Variants in HID1 observed in about 807,000 individuals in gnomAD.
The protein encoded by HID1 is HID1 domain containing, also known as protein HID1.
Under a neutral mutation model 89.7 loss-of-function variants are expected in HID1, and 42 were observed. That is an observed-to-expected ratio of 0.47 (90% confidence interval 0.37 to 0.61). HID1 has a LOEUF of 0.61. Ranked by LOEUF, HID1 falls within the 20% of genes least tolerant of loss-of-function variation. HID1 has a pLI of 0.00. For missense variants in HID1, 854 were observed against 1,039.3 expected (o/e 0.82, Z 2.45); for synonymous variants, 442 against 433.8 (o/e 1.02, Z -0.24).
Position 74,958,568 on chromosome 17 carries a change from A to C in HID1, c.1241-90T>G. Reference sequence around the variant, plus strand: ...CCATTTTGGAGGCCTCCCTCCTAGGAGGTCAGAGTGCCAGGCCTGAGCTCC... The same window carrying C: ...CCATTTTGGAGGCCTCCCTCCTAGGCGGTCAGAGTGCCAGGCCTGAGCTCC... On this transcript the variant is annotated intron_variant, in intron 10 of 18. Transcript: ENST00000425042. The surrounding 1 kb of genome is among the most constrained non-coding windows in gnomAD (Gnocchi z 5.2). 6.3e-7 allele frequency: 1 copy of C among 1,585,468 alleles called. No individual in the cohort carries two copies. Among genetic ancestry groups the C allele is most frequent in the South Asian group, 1.1e-5 (1 of 88,962 alleles).
rs1157759033 is a variant in HID1 at position 74,953,116 on chromosome 17, G to A, written c.1972-30C>T. ...CCCCCAGAAAGGAACAGGGGTGAGG[G>A]ATGGTGGCGGTGGGTGAGGGGTGGA... is the stretch of plus-strand genomic sequence containing the variant. On this transcript the variant is annotated intron_variant, in intron 15 of 18. Transcript: ENST00000425042. 7 of 1,536,760 alleles carry A rather than the reference G, an allele frequency of 4.6e-6. 1 individual carries two copies. The South Asian group carries it at 5.8e-5, about 13-fold the overall frequency.
rs373856219 is a variant in HID1, at chr17:74,952,295, C to G, written c.2118G>C (p.Pro706=). The change falls in exon 17 of 19, where the codon CCG becomes CCC. Residue 706 remains proline, a synonymous_variant. Coordinates refer to ENST00000425042, the MANE Select transcript of HID1 (RefSeq NM_030630.3). Reference sequence around the variant, plus strand: ...TGTCAATGCAGATCTTCTCCACCTGCGGAACCAGCACCTGCAGCAGCCTCA... The same window carrying G: ...TGTCAATGCAGATCTTCTCCACCTGGGGAACCAGCACCTGCAGCAGCCTCA... The part of the protein sequence containing the change: ...TIMRLLQVLV[P]QVEKICIDKG... 1 of 1,613,676 alleles carries G rather than the reference C, an allele frequency of 6.2e-7. No individual in the cohort carries two copies.
rs751678393 is a variant in HID1, at chr17:74,953,642, T to C, written c.1874A>G (p.Lys625Arg). Residue 625 changes from lysine (K) to arginine (R), a missense_variant, in exon 15 of 19, where the codon AAG becomes AGG. Transcript: ENST00000425042. ...TGACACCTGGGACTTCTCGGTCAGC[T>C]TGTCAATGCCTGGGCAGGGCACAGG... The part of the protein sequence containing the change: ...TSLVATPGID[K>R]LTEKSQVSED... 3.1e-6 allele frequency: 5 copies of C among 1,613,904 alleles called. No individual in the cohort carries two copies. In the Admixed American group the frequency reaches 5.0e-5, roughly 16 times the overall value.
chr17:74,958,512 TG>T lies in HID1; in HGVS notation c.1241-35del. 2 of 1,572,896 alleles carry T rather than the reference TG, an allele frequency of 1.3e-6. No homozygotes were observed. Among genetic ancestry groups the T allele is most frequent in the East Asian group, 4.7e-5 (2 of 42,474 alleles). ...GGTGGCGTGGGAGGGGTCACTCGGG[TG>T]GGAGGGGGAAGGAGGGGCCCAGGCA... On this transcript the variant is annotated intron_variant, in intron 10 of 18. Transcript: ENST00000425042. The surrounding 1 kb of genome is among the most constrained non-coding windows in gnomAD (Gnocchi z 5.2).
intron 14 of HID1, 40 bp from the exon 15 acceptor site, chr17:74,953,691 A>C: frequency 6.6e-7 from 1 of 1,508,214 alleles, no homozygotes; most frequent in Non-Finnish European, 9.2e-7. Flanking sequence ...TCCCTGCCAC[A>C]GTGACCCTTC....
chr17:74,963,909 GC>G lies in HID1; in HGVS notation c.217del (p.Ala73ProfsTer23). ...PSNLATLCYK[A>X]VEKLVQGAES... is the part of the protein sequence containing the mutation. ...AGCTCCCTGCACCAGCTTCTCAACGGCCTGTGGGGGCAGGCAGGAGCAGAGG... is the reference window on the plus strand; with the variant it reads ...AGCTCCCTGCACCAGCTTCTCAACGGCTGTGGGGGCAGGCAGGAGCAGAGG... On this transcript the variant is annotated frameshift_variant and splice_region_variant, in exon 3 of 19. Transcript: ENST00000425042. LOFTEE classifies it high-confidence loss of function. 6.2e-7 allele frequency: 1 copy of G among 1,613,808 alleles called. No homozygotes were observed.
Position 74,951,467 on chromosome 17 carries a change from G to T in HID1, c.*103C>A. 8.7e-7 allele frequency: 1 copy of T among 1,155,854 alleles called. No homozygotes were observed. The highest frequency in any genetic ancestry group is 1.3e-6 in the Non-Finnish European group (1 of 788,866). 71.6% of individuals were successfully genotyped at this position (1,155,854 alleles called of 1,614,324 possible). On this transcript the variant is annotated 3_prime_UTR_variant, in exon 19 of 19. Coordinates refer to ENST00000425042, the MANE Select transcript of HID1 (RefSeq NM_030630.3). ...ACTCAGGGCCACTCTGCCTGTTCCAGGCCCTGATCGTGGTAATTTAAAGCT... is the reference window on the plus strand; with the variant it reads ...ACTCAGGGCCACTCTGCCTGTTCCATGCCCTGATCGTGGTAATTTAAAGCT...
In HID1 at chr17:74,958,962, C is replaced by T. The variant is rs370911867; in HGVS notation, c.1098G>A (p.Gln366=). 3 of 1,606,330 alleles carry T rather than the reference C, an allele frequency of 1.9e-6. No individual in the cohort carries two copies. The highest frequency in any genetic ancestry group is 2.7e-5 in the African/African-American group (2 of 74,258). The change falls in exon 9 of 19, where the codon CAG becomes CAA. Residue 366 remains glutamine (Q), a synonymous_variant. Coordinates refer to ENST00000425042, the MANE Select transcript of HID1 (RefSeq NM_030630.3). The surrounding 1 kb of genome is among the most constrained non-coding windows in gnomAD (Gnocchi z 5.2). ...TYLPNSTKKI[Q]FHQELLVLFW... ...AGAGAACTAGCAGCTCCTGGTGGAA[C>T]TGGATCTTCTTGGTGGAGTTAGGCA...
chr17:74,968,899 C>T (rs1288173223), intron 1 of HID1, among the ~76,000 whole-genome samples: 1 of 152,244 alleles, frequency 6.6e-6, no homozygotes, highest in Non-Finnish European at 1.5e-5. Flanking sequence ...AAGAGACTTA[C>T]TAGCCCATTC....
chr17:74,959,783 G>C lies in HID1; in HGVS notation c.1008+98C>G, dbSNP rs1033449793. 10 of 1,311,692 alleles carry C rather than the reference G, an allele frequency of 7.6e-6. No individual in the cohort carries two copies. The highest frequency in any genetic ancestry group is 1.8e-4 in the Middle Eastern group (1 of 5,408). The allele number at this position is 1,311,692 out of a possible 1,614,324, so 81.3% of individuals were successfully genotyped here. On this transcript the variant is annotated intron_variant, in intron 8 of 18. Transcript: ENST00000425042. The surrounding 1 kb of genome is among the most constrained non-coding windows in gnomAD (Gnocchi z 4.6). ...ACCTAGGGTGGCCCCAGCCCACAGA[G>C]AGCATGGTTCCTTCATGGAGGGGTC...
chr17:74,959,212 CG>C lies in HID1; in HGVS notation c.1009-162del, dbSNP rs1320915286. Among the ~76,000 whole-genome samples, 8 of 151,574 alleles carry C rather than the reference CG, an allele frequency of 5.3e-5. No individual in the cohort carries two copies. Among genetic ancestry groups the C allele is most frequent in the African/African-American group, 1.9e-4 (8 of 41,210 alleles). On this transcript the variant is annotated intron_variant, in intron 8 of 18. Transcript: ENST00000425042. The surrounding 1 kb of genome is among the most constrained non-coding windows in gnomAD (Gnocchi z 4.6). ...GCTATCACCCATAGCTGTCCTGGGG[CG>C]ATGCCTCAGGAAGCGGAGTCCCTCA...
chr17:74,952,315 G>T lies in HID1; in HGVS notation c.2098C>A (p.Leu700Met). Reference protein sequence around the residue: ...SKLPLQTIMRLLQVLVPQVEK... With the variant: ...SKLPLQTIMRMLQVLVPQVEK... ...ACCTGCGGAACCAGCACCTGCAGCA[G>T]CCTCATGATGGTCTGCAGCGGCAGC... Residue 700 changes from leucine (L) to methionine (M), a missense_variant, in exon 17 of 19, where the codon CTG becomes ATG. Transcript: ENST00000425042. The T allele has an allele frequency of 6.2e-7, 1 of 1,613,980 alleles. No homozygotes were observed. The highest frequency in any genetic ancestry group is 8.5e-7 in the Non-Finnish European group (1 of 1,179,944).
Position 74,958,284 on chromosome 17 carries a change from C to A in HID1, c.1392+43G>T, listed in dbSNP as rs1186323109. 6.2e-7 allele frequency: 1 copy of A among 1,610,562 alleles called. No individual in the cohort carries two copies. On this transcript the variant is annotated intron_variant, in intron 11 of 18. Transcript: ENST00000425042. The surrounding 1 kb of genome is among the most constrained non-coding windows in gnomAD (Gnocchi z 5.2). ...GCCTCCAGACTCAGCCAAGAGGACACCACCCCTGCACCTCCTGGGCCCGGC... is the reference window on the plus strand; with the variant it reads ...GCCTCCAGACTCAGCCAAGAGGACAACACCCCTGCACCTCCTGGGCCCGGC...
chr17:74,953,921 G>A (rs2039346527), intron 14 of HID1, among the ~76,000 whole-genome samples: 1 of 150,460 alleles, frequency 6.6e-6, no homozygotes, highest in Non-Finnish European at 1.5e-5. Flanking sequence ...CATCCCTCCA[G>A]AGTCTACACT....
At chr17:74,961,355 C>A (rs1199574399) in intron 6 of HID1, among the ~76,000 whole-genome samples, 1 of 151,990 alleles carries the variant, frequency 6.6e-6, no homozygotes, top group African/African-American at 2.4e-5. Context: ...GCAACCTCCG[C>A]CTCCCGGGTT....
intron 14 of HID1, among the ~76,000 whole-genome samples, 169 bp from the exon 15 acceptor site, chr17:74,953,820 C>A (rs2039344415): frequency 6.6e-6 from 1 of 152,288 alleles, no homozygotes; most frequent in East Asian, 1.9e-4. Context: ...TGCGCCCATC[C>A]CTCCAGAGTC....
At chr17:74,963,670 C>T (rs960277024) in intron 3 of HID1, 70 bp downstream of exon 3, 4 of 1,428,636 alleles carry the variant, frequency 2.8e-6, no homozygotes, top group South Asian at 1.3e-5. Flanking sequence ...GGAGCATGGC[C>T]GGCCCTAAAG....
At position 74,969,829 on chromosome 17, in the gene HID1, G is replaced by C. The variant is rs146974564; in HGVS notation, c.66+2762C>G. Among the ~76,000 whole-genome samples, 363 of 151,026 alleles carry C rather than the reference G, an allele frequency of 2.4e-3. 2 individuals carry two copies. In the South Asian group the frequency reaches 0.029, roughly 12 times the overall value. ...TTGCCCAGGCTGGTCTCAAACTCCT[G>C]GGCTCAAGCGATCCTCCTGCCTCCA... On this transcript the variant is annotated intron_variant, in intron 1 of 18. Transcript: ENST00000425042.
Position 74,959,021 on chromosome 17 carries a change from G to T in HID1, c.1039C>A (p.Arg347=). The T allele has an allele frequency of 1.9e-6, 3 of 1,587,654 alleles. No individual in the cohort carries two copies. Among genetic ancestry groups the T allele is most frequent in the Non-Finnish European group, 2.6e-6 (3 of 1,170,894 alleles). ...DFQFILKGIA[R]LLSNPLLQTY... The stretch of plus-strand genomic sequence containing the variant: ...TGGAGCAGGGGGTTGGACAGCAGCC[G>T]GGCTATACCCTTGAGGATGAACTGG... The change falls in exon 9 of 19, where the codon CGG becomes AGG. Residue 347 remains arginine (R), a synonymous_variant. Transcript: ENST00000425042. The surrounding 1 kb of genome is among the most constrained non-coding windows in gnomAD (Gnocchi z 4.6).
Sources: allele counts gnomAD v4.1 joint callset (sites outside exome capture counted in the v4.1 genomes callset), GRCh38; gene constraint gnomAD v4.1.1; non-coding constraint Gnocchi (gnomAD v3.1); transcripts MANE v1.5; gene names NCBI Gene and HGNC (gene_info 2026-07-23, HGNC 2026-07-21).